CDH23: variants seen among roughly 807,000 people sequenced by gnomAD.
CDH23 encodes cadherin related 23, also known as cadherin-23.
Under a neutral mutation model 317.1 loss-of-function variants are expected in CDH23, and 189 were observed. The ratio of observed to expected loss-of-function variants is 0.60; its 90% CI spans 0.53 to 0.67. The LOEUF is 0.67. Among genes scored for constraint, CDH23 ranks in the 30% least tolerant of loss-of-function variants. The pLI, the probability that CDH23 is intolerant of heterozygous loss-of-function variation, is 0.00. For missense variants in CDH23, 4,401 were observed against 4,592.4 expected, an observed-to-expected ratio of 0.96 and a Z score of 1.20; for synonymous variants, 1,839 against 1,876.8, an observed-to-expected ratio of 0.98 and a Z score of 0.52.
intron 44 of CDH23, 71 bp from the exon 45 acceptor site, chr10:71,788,869 C>A (rs1841168615): frequency 3.8e-6 from 3 of 793,628 alleles, no homozygotes; most frequent in Non-Finnish European, 6.9e-6. Context: ...AACCTCCCAA[C>A]CCTCCTCCCA....
intron 1 of CDH23, among the ~76,000 whole-genome samples, chr10:71,405,739 C>T (rs1296870464): frequency 6.6e-6 from 1 of 152,118 alleles, no homozygotes; most frequent in Non-Finnish European, 1.5e-5. Flanking sequence ...TGCCCAGCCA[C>T]GGATGGACTT....
intron 22 of CDH23, among the ~76,000 whole-genome samples, chr10:71,697,270 C>A (rs947099374): frequency 2.0e-5 from 3 of 152,184 alleles, no homozygotes; most frequent in Admixed American, 1.3e-4. Context: ...GACAATGGAC[C>A]AAGGACCTGC....
intron 38 of CDH23, among the ~76,000 whole-genome samples, chr10:71,752,421 C>T (rs1196500962): frequency 6.6e-6 from 1 of 152,174 alleles, no homozygotes; most frequent in Non-Finnish European, 1.5e-5. Context: ...GTTGCAGGTA[C>T]CGGGGCAGGA....
chr10:71,602,162 G>A (rs1020459045), intron 9 of CDH23, among the ~76,000 whole-genome samples: 1 of 151,670 alleles, frequency 6.6e-6, no homozygotes, highest in Non-Finnish European at 1.5e-5. Context: ...CAAGGTGTGT[G>A]TGATGGGTTC....
chr10:71,639,152 C>T (rs549066322), intron 11 of CDH23, among the ~76,000 whole-genome samples: 3 of 152,360 alleles, frequency 2.0e-5, no homozygotes, highest in South Asian at 2.1e-4. Context: ...CCGGGACCCG[C>T]GGTGGGCGCT....
intron 28 of CDH23, among the ~76,000 whole-genome samples, chr10:71,723,232 TG>T (rs1442065673): frequency 6.6e-6 from 1 of 152,138 alleles, no homozygotes; most frequent in Non-Finnish European, 1.5e-5. Flanking sequence ...TGCACTGCCC[TG>T]GGGGGTGTTT....
At position 71,814,887 on chromosome 10, in the gene CDH23, G is replaced by A. The variant is rs1842076176; in HGVS notation, c.9739-65G>A. 3.3e-6 allele frequency: 5 copies of A among 1,502,486 alleles called. 1 individual carries two copies. Among genetic ancestry groups the A allele is most frequent in the Admixed American group, 2.1e-5 (1 of 48,234 alleles). The allele number at this position is 1,502,486 out of a possible 1,614,324, so 93.1% of individuals were successfully genotyped here. A position where few individuals can be genotyped will look rare whatever the true frequency, so the allele number is the denominator to read the frequency against. ...CAGCCACATAGCCAGTGGGTCTCTG[G>A]GGCCATCCACCTGCTCACCCCTTGG... On this transcript the variant is annotated intron_variant, in intron 69 of 69. Coordinates refer to ENST00000224721, the MANE Select transcript of CDH23 (RefSeq NM_022124.6).
At chr10:71,515,195 C>T (rs911576793) in intron 6 of CDH23, among the ~76,000 whole-genome samples, 4 of 152,200 alleles carry the variant, frequency 2.6e-5, no homozygotes, top group African/African-American at 9.6e-5. Flanking sequence ...CCTTGAAGTT[C>T]TGACAAGTTC....
intron 12 of CDH23, 63 bp from the exon 13 acceptor site, chr10:71,645,768 T>G: frequency 6.8e-5 from 105 of 1,548,190 alleles, no homozygotes; most frequent in Non-Finnish European, 8.1e-5. Context: ...TGCTCCTCCA[T>G]TTGGGTCTAG....
chr10:71,742,041 C>G, intron 38 of CDH23, 120 bp downstream of exon 38: 1 of 831,828 alleles, frequency 1.2e-6, no homozygotes, highest in Non-Finnish European at 1.9e-6. Flanking sequence ...CTTGACAACT[C>G]CTTTAGTCCA....
At chr10:71,806,030 C>CGG in intron 56 of CDH23, 33 bp downstream of exon 56, 1 of 617,258 alleles carries the variant, frequency 1.6e-6, no homozygotes, top group African/African-American at 1.9e-5. Flanking sequence ...GGGGCGGGGT[C>CGG]TGGGGCGGGG....
At chr10:71,677,832 C>T in intron 16 of CDH23, 139 bp downstream of exon 16, 1 of 713,996 alleles carries the variant, frequency 1.4e-6, no homozygotes, top group Non-Finnish European at 2.4e-6. Flanking sequence ...GTGGTACAAT[C>T]AGAGTTCATT....
At position 71,670,082 on chromosome 10, in the gene CDH23, C is replaced by T. The variant is rs548775267; in HGVS notation, c.1450-5030C>T. Reference sequence around the variant, plus strand: ...AAGGTGGCTTCAGAGGTGTGCCGGGCATCTTCAGCTGCTCCTGCACATCCT... The same window carrying T: ...AAGGTGGCTTCAGAGGTGTGCCGGGTATCTTCAGCTGCTCCTGCACATCCT... On this transcript the variant is annotated intron_variant, in intron 14 of 69. Coordinates refer to ENST00000224721, the MANE Select transcript of CDH23 (RefSeq NM_022124.6). Among the ~76,000 whole-genome samples the T allele has an allele frequency of 5.9e-5, 9 of 152,364 alleles. No homozygotes were observed. In the East Asian group the frequency reaches 1.7e-3, roughly 29 times the overall value.
intron 53 of CDH23, among the ~76,000 whole-genome samples, chr10:71,802,635 C>T (rs1841588392): frequency 6.6e-6 from 1 of 152,166 alleles, no homozygotes; most frequent in South Asian, 2.1e-4. Context: ...GTGCAGATTA[C>T]CTGTTAACCA....
rs139658668 is a variant in CDH23, at chr10:71,401,413, T to C, written c.-6+4095T>C. Among the ~76,000 whole-genome samples, 922 of 152,342 alleles carry C rather than the reference T, an allele frequency of 6.1e-3. 5 individuals are homozygous for C. Among genetic ancestry groups the C allele is most frequent in the Non-Finnish European group, 9.6e-3 (656 of 68,026 alleles). On this transcript the variant is annotated intron_variant, in intron 1 of 69. Coordinates refer to ENST00000224721, the MANE Select transcript of CDH23 (RefSeq NM_022124.6). ...TGGAGTAGTTGGTGCTCAGTAACTG[T>C]TCATTGACCCAATGGCTTATCCCTG...
intron 9 of CDH23, 126 bp downstream of exon 9, chr10:71,578,118 C>A: frequency 1.1e-6 from 1 of 906,526 alleles, no homozygotes; most frequent in Non-Finnish European, 1.7e-6. Context: ...GGTAGGAGAC[C>A]TGACTACAGG....
chr10:71,664,150 G>C (rs1863791319), intron 14 of CDH23, among the ~76,000 whole-genome samples: 1 of 152,102 alleles, frequency 6.6e-6, no homozygotes, highest in African/African-American at 2.4e-5. Context: ...AGAGGCCCCA[G>C]AGACCACCAG....
In CDH23 at chr10:71,782,965, G is replaced by A. The variant is rs1481111142; in HGVS notation, c.5369-1322G>A. ...AGGAGCTGGGGACAGGGAATTGTGA[G>A]GTAGGATGTGAAGAGACAGGCAGAG... On this transcript the variant is annotated intron_variant, in intron 41 of 69. Coordinates refer to ENST00000224721, the MANE Select transcript of CDH23 (RefSeq NM_022124.6). 2.0e-5 allele frequency among the ~76,000 whole-genome samples: 3 copies of A among 152,306 alleles called. No homozygotes were observed. The East Asian group carries it at 5.8e-4, about 29-fold the overall frequency.
intron 38 of CDH23, chr10:71,773,442 C>T: frequency 6.3e-7 from 1 of 1,589,354 alleles, no homozygotes; most frequent in Non-Finnish European, 8.6e-7. Context: ...ACGCCCATGT[C>T]GCCGTCGGAC....
Sources: allele counts gnomAD v4.1 joint callset (sites outside exome capture counted in the v4.1 genomes callset), GRCh38; gene constraint gnomAD v4.1.1; transcripts MANE v1.5; gene names NCBI Gene and HGNC (gene_info 2026-07-23, HGNC 2026-07-21).